Variants in KCNMB2 observed in about 807,000 individuals in gnomAD.
KCNMB2 encodes the protein calcium-activated potassium channel subunit beta-2.
KCNMB2 carries 9 observed loss-of-function variants against 24.5 expected under a neutral mutation model. The observed-to-expected ratio is 0.37, with a 90% CI of 0.22 to 0.64. KCNMB2 has a LOEUF of 0.64. KCNMB2 is among the 30% of genes least tolerant of loss of function. The pLI is 0.63. For synonymous variants in KCNMB2, 109 were observed against 104.4 expected, an observed-to-expected ratio of 1.04 and a Z score of -0.27; for missense variants, 226 against 284.3, an observed-to-expected ratio of 0.79 and a Z score of 1.47.
chr3:178,612,247 G>A (rs1166806150), intron 1 of KCNMB2, among the ~76,000 whole-genome samples: 1 of 152,162 alleles, frequency 6.6e-6, no homozygotes, highest in African/African-American at 2.4e-5. Context: ...GAAATGTTCT[G>A]TAAATATCTA....
chr3:178,582,397 A>G (rs1229224148), intron 1 of KCNMB2, among the ~76,000 whole-genome samples: 2 of 152,166 alleles, frequency 1.3e-5, no homozygotes, highest in African/African-American at 4.8e-5. Context: ...CCTTAGGAGA[A>G]ATACCTAATG....
At chr3:178,819,653 T>C (rs1432567669) in intron 2 of KCNMB2, among the ~76,000 whole-genome samples, 4 of 152,190 alleles carry the variant, frequency 2.6e-5, no homozygotes, top group Non-Finnish European at 4.4e-5. Flanking sequence ...CAGAGGGTCC[T>C]ACTATTCTTA....
At chr3:178,574,311 C>T (rs1004556656) in intron 1 of KCNMB2, among the ~76,000 whole-genome samples, 9 of 152,210 alleles carry the variant, frequency 5.9e-5, no homozygotes, top group African/African-American at 2.2e-4. Context: ...ACTCTTCACG[C>T]TCTGACTCTA....
chr3:178,757,349 G>GATATATATATATAT (rs768743661), intron 1 of KCNMB2, among the ~76,000 whole-genome samples: 4 of 19,622 alleles, frequency 2.0e-4, no homozygotes, highest in African/African-American at 8.2e-4. Context: ...TATCCAAGAG[G>GATATATATATATAT]ATATATATAT....
intron 1 of KCNMB2, among the ~76,000 whole-genome samples, chr3:178,571,447 G>GATAT (rs71181237): frequency 0.037 from 3,369 of 89,886 alleles, 162 homozygotes; most frequent in Non-Finnish European, 0.048. Flanking sequence ...TTTCCTTATG[G>GATAT]ATATATATAT....
At chr3:178,714,165 C>T (rs576454201) in intron 1 of KCNMB2, among the ~76,000 whole-genome samples, 10 of 151,978 alleles carry the variant, frequency 6.6e-5, no homozygotes, top group Non-Finnish European at 1.0e-4. Flanking sequence ...AGTGGAAATA[C>T]CAGACACACT....
At chr3:178,555,848 A>C (rs1040624980) in intron 1 of KCNMB2, among the ~76,000 whole-genome samples, 1 of 152,244 alleles carries the variant, frequency 6.6e-6, no homozygotes, top group African/African-American at 2.4e-5. Context: ...TACTAGACTC[A>C]CAAAGCACTT....
intron 1 of KCNMB2, among the ~76,000 whole-genome samples, chr3:178,577,312 G>A (rs1251607240): frequency 1.3e-5 from 2 of 152,134 alleles, no homozygotes; most frequent in African/African-American, 4.8e-5. Flanking sequence ...AAACAGAAAG[G>A]AATAGCATCA....
intron 1 of KCNMB2, among the ~76,000 whole-genome samples, chr3:178,570,515 CTTTTTT>C (rs200106452): frequency 1.7e-5 from 2 of 114,648 alleles, no homozygotes; most frequent in African/African-American, 6.1e-5. Flanking sequence ...GTAATGATAC[CTTTTTT>C]TTTTTTTTTT....
intron 1 of KCNMB2, among the ~76,000 whole-genome samples, chr3:178,593,419 G>A (rs1717751183): frequency 1.3e-5 from 2 of 151,978 alleles, no homozygotes; most frequent in Admixed American, 1.3e-4. Context: ...AAAGAGTCTA[G>A]CCAGAGAATA....
chr3:178,816,725 T>C (rs1303393513), intron 2 of KCNMB2, among the ~76,000 whole-genome samples: 2 of 152,164 alleles, frequency 1.3e-5, no homozygotes, highest in Non-Finnish European at 2.9e-5. Context: ...GACTTTATTC[T>C]ATGACCCATG....
At chr3:178,801,320 C>A (rs1303930249) in intron 1 of KCNMB2, among the ~76,000 whole-genome samples, 2 of 151,888 alleles carry the variant, frequency 1.3e-5, no homozygotes, top group African/African-American at 2.4e-5. Context: ...ATACTATGCA[C>A]CCATAAAAAT....
intron 1 of KCNMB2, among the ~76,000 whole-genome samples, chr3:178,692,093 GT>G (rs1361017709): frequency 2.0e-5 from 3 of 151,998 alleles, no homozygotes; most frequent in Admixed American, 6.5e-5. Context: ...TAATGGGGTT[GT>G]TTTTTTCTTG....
At chr3:178,741,586 C>T (rs1577141188) in intron 1 of KCNMB2, among the ~76,000 whole-genome samples, 1 of 152,184 alleles carries the variant, frequency 6.6e-6, no homozygotes, top group East Asian at 1.9e-4. Flanking sequence ...TCCCCACAAT[C>T]CTTTTCCTGT....
At chr3:178,603,642 A>G (rs943956987) in intron 1 of KCNMB2, among the ~76,000 whole-genome samples, 2 of 152,164 alleles carry the variant, frequency 1.3e-5, no homozygotes, top group African/African-American at 4.8e-5. Context: ...ACAGACATCC[A>G]TTGTCTTCAG....
At chr3:178,600,425 C>G (rs1201684309) in intron 1 of KCNMB2, among the ~76,000 whole-genome samples, 1 of 152,056 alleles carries the variant, frequency 6.6e-6, no homozygotes, top group African/African-American at 2.4e-5. Flanking sequence ...GAATAGATAA[C>G]CAGAAGTAGA....
chr3:178,633,806 A>C (rs1403640049), intron 1 of KCNMB2, among the ~76,000 whole-genome samples: 1 of 152,204 alleles, frequency 6.6e-6, no homozygotes, highest in Non-Finnish European at 1.5e-5. Context: ...TTTCTATCAC[A>C]TCATTAGACT....
In KCNMB2 at chr3:178,651,230, G is replaced by A. The variant is rs889511412; in HGVS notation, c.-68+114519G>A. ...GCAACATCTCAGGATAAAAATCAAC[G>A]TCTCAGGATACAAAATCAATGTGCA... On this transcript the variant is annotated intron_variant, in intron 1 of 4. Transcript: ENST00000452583. Among the ~76,000 whole-genome samples, 18 of 152,228 alleles carry A rather than the reference G, an allele frequency of 1.2e-4. No homozygotes were observed. In the East Asian group the frequency reaches 2.5e-3, roughly 21 times the overall value.
intron 1 of KCNMB2, among the ~76,000 whole-genome samples, chr3:178,718,403 A>G (rs978116806): frequency 6.6e-6 from 1 of 152,192 alleles, no homozygotes; most frequent in East Asian, 1.9e-4. Context: ...GTGTCTAGCT[A>G]GCTAGCTAAT....
Sources: gnomAD v4.1 joint callset for allele counts (sites outside exome capture counted in the v4.1 genomes callset) on GRCh38, gnomAD v4.1.1 for gene constraint, MANE v1.5 for transcripts, NCBI Gene and HGNC (gene_info 2026-07-23, HGNC 2026-07-21) for gene names.